Variants in CNTNAP5 observed in about 807,000 individuals in gnomAD.
The protein encoded by CNTNAP5 is contactin-associated protein-like 5.
In CNTNAP5, 72 loss-of-function variants were observed where a neutral mutation model predicts 150.2. The ratio of observed to expected loss-of-function variants is 0.48; its 90% CI spans 0.40 to 0.58. The LOEUF is 0.58. Ranked by LOEUF, CNTNAP5 falls within the 20% of genes least tolerant of loss-of-function variation. The pLI, the probability that CNTNAP5 is intolerant of heterozygous loss-of-function variation, is 0.00. For missense variants in CNTNAP5, 1,636 were observed against 1,626.2 expected (o/e 1.01, Z -0.10); for synonymous variants, 672 against 619.8 (o/e 1.08, Z -1.25).
chr2:124,394,076 A>G (rs61163670), intron 3 of CNTNAP5, among the ~76,000 whole-genome samples: 15,814 of 152,132 alleles, frequency 0.1, 1,194 homozygotes, highest in African/African-American at 0.22. Context: ...GTAGCCATTA[A>G]TAAAAGGTGA....
At chr2:124,314,447 G>T (rs941381205) in intron 3 of CNTNAP5, among the ~76,000 whole-genome samples, 1 of 152,164 alleles carries the variant, frequency 6.6e-6, no homozygotes, top group African/African-American at 2.4e-5. Flanking sequence ...ACACAGAGTT[G>T]ATTCATGATT....
chr2:124,541,856 G>A (rs1211807982), intron 10 of CNTNAP5, among the ~76,000 whole-genome samples: 2 of 152,044 alleles, frequency 1.3e-5, no homozygotes, highest in Non-Finnish European at 2.9e-5. Flanking sequence ...AGAAGAAGAG[G>A]TCTCAAGGGT....
At chr2:124,334,094 G>A (rs944260087) in intron 3 of CNTNAP5, among the ~76,000 whole-genome samples, 3 of 152,066 alleles carry the variant, frequency 2.0e-5, no homozygotes, top group African/African-American at 4.8e-5. Context: ...CAGGACTCTC[G>A]GGGCTCCATG....
chr2:124,772,734 C>G, intron 16 of CNTNAP5, 65 bp from the exon 17 acceptor site: 1 of 1,267,596 alleles, frequency 7.9e-7, no homozygotes, highest in East Asian at 2.3e-5. Flanking sequence ...TTCTCCCACT[C>G]AAGCCTGTGC....
intron 1 of CNTNAP5, among the ~76,000 whole-genome samples, chr2:124,119,728 C>G (rs987584751): frequency 6.6e-6 from 1 of 152,048 alleles, no homozygotes. Flanking sequence ...GGCAACACAG[C>G]AAAATCCCAC....
chr2:124,500,557 G>T (rs1694254051), intron 7 of CNTNAP5, among the ~76,000 whole-genome samples: 1 of 152,086 alleles, frequency 6.6e-6, no homozygotes, highest in Admixed American at 6.5e-5. Flanking sequence ...GGGAGGTTTT[G>T]GTATACTGAA....
intron 12 of CNTNAP5, among the ~76,000 whole-genome samples, chr2:124,626,946 C>G (rs1677736388): frequency 6.6e-6 from 1 of 152,152 alleles, no homozygotes; most frequent in South Asian, 2.1e-4. Context: ...TTGGACTGAG[C>G]AGAATTCACC....
chr2:124,039,071 A>C (rs189235243), intron 1 of CNTNAP5, among the ~76,000 whole-genome samples: 104 of 152,350 alleles, frequency 6.8e-4, no homozygotes, highest in African/African-American at 2.4e-3. Context: ...GCTACCATTC[A>C]TATGAGTGTC....
At chr2:124,038,425 T>G (rs979645394) in intron 1 of CNTNAP5, among the ~76,000 whole-genome samples, 2 of 152,062 alleles carry the variant, frequency 1.3e-5, no homozygotes, top group African/African-American at 4.8e-5. Flanking sequence ...GCAAAATAAT[T>G]TGTTCAATGT....
rs377534008 is a variant in CNTNAP5, at chr2:124,490,564, C to A, written c.1063-13728C>A. 1.8e-4 allele frequency among the ~76,000 whole-genome samples: 28 copies of A among 152,098 alleles called. 1 individual carries two copies. The East Asian group carries it at 3.3e-3, about 18-fold the overall frequency. ...TCTTATGTAAGAAGTAAAACAATTT[C>A]TACCTTAGTGTCAAAATTGGCAAAA... On this transcript the variant is annotated intron_variant, in intron 7 of 23. Coordinates refer to ENST00000682447, the MANE Select transcript of CNTNAP5 (RefSeq NM_001367498.1).
chr2:124,407,971 C>T (rs1277021483), intron 3 of CNTNAP5, among the ~76,000 whole-genome samples: 12 of 152,194 alleles, frequency 7.9e-5, no homozygotes, highest in African/African-American at 2.9e-4. Context: ...ATCTGAGGTA[C>T]TGGGTTCATC....
chr2:124,063,428 T>A (rs917233235), intron 1 of CNTNAP5, among the ~76,000 whole-genome samples: 2 of 152,264 alleles, frequency 1.3e-5, no homozygotes, highest in Middle Eastern at 3.4e-3. Flanking sequence ...TTAAATGATT[T>A]CAAAAACATT....
At chr2:124,319,980 C>G (rs888618464) in intron 3 of CNTNAP5, among the ~76,000 whole-genome samples, 1 of 152,214 alleles carries the variant, frequency 6.6e-6, no homozygotes, top group African/African-American at 2.4e-5. Context: ...TCTACTTCCT[C>G]CAAGTCAATA....
chr2:124,046,513 C>T (rs548136689), intron 1 of CNTNAP5, among the ~76,000 whole-genome samples: 49 of 151,630 alleles, frequency 3.2e-4, no homozygotes, highest in Admixed American at 1.2e-3. Context: ...ACAACAGCCG[C>T]CTCCTGCTGA....
chr2:124,583,840 G>C (rs1339127752), intron 11 of CNTNAP5, among the ~76,000 whole-genome samples: 2 of 152,098 alleles, frequency 1.3e-5, no homozygotes, highest in African/African-American at 4.8e-5. Flanking sequence ...TGTGTGTTTA[G>C]CTCTGTGACA....
chr2:124,180,568 TA>T (rs1264871055), intron 1 of CNTNAP5, among the ~76,000 whole-genome samples: 1 of 152,024 alleles, frequency 6.6e-6, no homozygotes, highest in African/African-American at 2.4e-5. Context: ...AAATTGAAAA[TA>T]AAATGATAAG....
At chr2:124,236,322 G>T (rs1407612462) in intron 2 of CNTNAP5, among the ~76,000 whole-genome samples, 1 of 152,144 alleles carries the variant, frequency 6.6e-6, no homozygotes, top group Non-Finnish European at 1.5e-5. Flanking sequence ...AAGTGCAGGA[G>T]GCGTGGCCTG....
intron 13 of CNTNAP5, among the ~76,000 whole-genome samples, chr2:124,724,922 G>GTTTTT (rs1680124390): frequency 2.2e-5 from 2 of 88,940 alleles, no homozygotes; most frequent in African/African-American, 3.6e-5. Context: ...AATTCCCTTA[G>GTTTTT]CTTTTTTTTT....
chr2:124,757,154 C>T (rs1319166650), intron 14 of CNTNAP5, among the ~76,000 whole-genome samples: 1 of 152,124 alleles, frequency 6.6e-6, no homozygotes, highest in African/African-American at 2.4e-5. Context: ...GATGGATCTG[C>T]CCTGTGTGTA....
Sources: gnomAD v4.1 joint callset for allele counts (sites outside exome capture counted in the v4.1 genomes callset) on GRCh38, gnomAD v4.1.1 for gene constraint, MANE v1.5 for transcripts, NCBI Gene and HGNC (gene_info 2026-07-23, HGNC 2026-07-21) for gene names.